The following RAB3C variants were observed in gnomAD, a reference collection of about 807,000 sequenced individuals.
RAB3C encodes ras-related protein Rab-3C.
A neutral mutation model predicts 26.4 loss-of-function variants in RAB3C; 17 were observed. The ratio of observed to expected loss-of-function variants is 0.64; its 90% CI spans 0.44 to 0.97. RAB3C has a LOEUF of 0.97. Among genes scored for constraint, RAB3C ranks in the 50% least tolerant of loss-of-function variants. The pLI is 0.00. For synonymous variants in RAB3C, 91 were observed against 95.9 expected (o/e 0.95, Z 0.30); for missense variants, 242 against 281.9 (o/e 0.86, Z 1.01).
intron 3 of RAB3C, among the ~76,000 whole-genome samples, chr5:58,804,227 G>C (rs553626848): frequency 3.4e-4 from 52 of 152,128 alleles, no homozygotes; most frequent in Non-Finnish European, 6.8e-4. Flanking sequence ...CTGGCAATAA[G>C]TAGTGACCAG....
chr5:58,740,412 C>T (rs1741251194), intron 3 of RAB3C, among the ~76,000 whole-genome samples: 1 of 152,238 alleles, frequency 6.6e-6, no homozygotes, highest in African/African-American at 2.4e-5. Context: ...TGGTCTCCAT[C>T]CTGTGTTGGG....
At chr5:58,606,278 C>T (rs546581917) in intron 1 of RAB3C, among the ~76,000 whole-genome samples, 16 of 152,334 alleles carry the variant, frequency 1.1e-4, no homozygotes, top group African/African-American at 2.4e-4. Flanking sequence ...CCCACACCAA[C>T]GCAGCCTTGC....
intron 4 of RAB3C, among the ~76,000 whole-genome samples, chr5:58,843,039 T>G (rs1743909518): frequency 6.6e-6 from 1 of 152,214 alleles, no homozygotes; most frequent in African/African-American, 2.4e-5. Flanking sequence ...TTGTCCTGGT[T>G]TACCAAGTGT....
intron 3 of RAB3C, among the ~76,000 whole-genome samples, chr5:58,791,383 C>T (rs1328824148): frequency 1.3e-5 from 2 of 152,118 alleles, no homozygotes; most frequent in African/African-American, 4.8e-5. Context: ...GAAATGTGGG[C>T]TCCGTTACAA....
chr5:58,776,910 AC>A (rs1742155428), intron 3 of RAB3C, among the ~76,000 whole-genome samples: 1 of 152,184 alleles, frequency 6.6e-6, no homozygotes, highest in Non-Finnish European at 1.5e-5. Context: ...ACTTCTGCCC[AC>A]ATTCTATTGA....
At chr5:58,624,166 T>G (rs567889357) in intron 2 of RAB3C, among the ~76,000 whole-genome samples, 1 of 152,246 alleles carries the variant, frequency 6.6e-6, no homozygotes, top group African/African-American at 2.4e-5. Context: ...ATTGGACATA[T>G]AATGGTAGAG....
chr5:58,846,222 T>C (rs1743997591), intron 4 of RAB3C, among the ~76,000 whole-genome samples: 1 of 152,148 alleles, frequency 6.6e-6, no homozygotes, highest in African/African-American at 2.4e-5. Flanking sequence ...CTTTTGGCTA[T>C]CGTGAATAAT....
At chr5:58,670,987 G>A (rs899274058) in intron 2 of RAB3C, among the ~76,000 whole-genome samples, 1 of 152,044 alleles carries the variant, frequency 6.6e-6, no homozygotes, top group African/African-American at 2.4e-5. Flanking sequence ...GGGGATAACT[G>A]GATTCTTGTT....
chr5:58,590,702 C>T (rs1019724067), intron 1 of RAB3C, among the ~76,000 whole-genome samples: 1 of 151,998 alleles, frequency 6.6e-6, no homozygotes, highest in Non-Finnish European at 1.5e-5. Flanking sequence ...ACCACCACAC[C>T]CAGCTAATTT....
chr5:58,747,558 T>G (rs1741426756), intron 3 of RAB3C, among the ~76,000 whole-genome samples: 1 of 152,136 alleles, frequency 6.6e-6, no homozygotes, highest in African/African-American at 2.4e-5. Flanking sequence ...AAACATGCTA[T>G]TATTTAGTCA....
intron 4 of RAB3C, among the ~76,000 whole-genome samples, chr5:58,837,984 T>C (rs938254809): frequency 2.0e-5 from 3 of 152,238 alleles, no homozygotes; most frequent in African/African-American, 7.2e-5. Context: ...GTGGTATACA[T>C]TTTGATGTCT....
At chr5:58,845,612 A>ATATATATATG in intron 4 of RAB3C, among the ~76,000 whole-genome samples, 2 of 81,744 alleles carry the variant, frequency 2.4e-5, no homozygotes, top group African/African-American at 1.2e-4. Flanking sequence ...ATATATATAT[A>ATATATATATG]TGTGTGTGTG....
At chr5:58,742,977 A>C (rs292948) in intron 3 of RAB3C, among the ~76,000 whole-genome samples, 84,502 of 151,862 alleles carry the variant, frequency 0.56, 23,907 homozygotes, top group East Asian at 0.63. Flanking sequence ...ATGTTACAGC[A>C]GAGTTCTTAA....
In RAB3C at chr5:58,796,013, C is replaced by T. The variant is rs115932956; in HGVS notation, c.372-29025C>T. ...CAAATTACTAGCTCCAGGAAAATTACTCCTCTCAGATCTGCATCTCCTCCA... is the reference window on the plus strand; with the variant it reads ...CAAATTACTAGCTCCAGGAAAATTATTCCTCTCAGATCTGCATCTCCTCCA... On this transcript the variant is annotated intron_variant, in intron 3 of 4. Coordinates refer to ENST00000282878, the MANE Select transcript of RAB3C (RefSeq NM_138453.4). Among the ~76,000 whole-genome samples the T allele has an allele frequency of 8.8e-3, 1,347 of 152,272 alleles. 18 individuals carry two copies. Among genetic ancestry groups the T allele is most frequent in the African/African-American group, 0.029 (1,201 of 41,550 alleles).
chr5:58,797,339 C>CAAA (rs1206716376), intron 3 of RAB3C, among the ~76,000 whole-genome samples: 264 of 12,648 alleles, frequency 0.021, 6 homozygotes, highest in Non-Finnish European at 0.042. Context: ...CCCTGGAAGA[C>CAAA]AAAAAAAAAA....
At chr5:58,747,207 T>C (rs1029149966) in intron 3 of RAB3C, among the ~76,000 whole-genome samples, 2 of 152,244 alleles carry the variant, frequency 1.3e-5, no homozygotes, top group Admixed American at 6.5e-5. Context: ...GGATCTTTAA[T>C]AGATCTTTTA....
At chr5:58,788,495 T>C (rs144577513) in intron 3 of RAB3C, 1 of 152,372 alleles carries the variant, frequency 6.6e-6, no homozygotes, top group East Asian at 1.9e-4. Context: ...GCCTGTCTGA[T>C]AGATTATATC....
intron 4 of RAB3C, among the ~76,000 whole-genome samples, chr5:58,833,324 T>TCACA (rs571940681): frequency 0.05 from 7,101 of 140,942 alleles, 268 homozygotes; most frequent in African/African-American, 0.1. Context: ...ACGGACCCCA[T>TCACA]CACACACACA....
At chr5:58,850,147 G>A (rs1254460261) in intron 4 of RAB3C, among the ~76,000 whole-genome samples, 1 of 152,210 alleles carries the variant, frequency 6.6e-6, no homozygotes, top group Admixed American at 6.5e-5. Flanking sequence ...CCAGTGGAAT[G>A]TGAATGCAAA....
Sources: gnomAD v4.1 joint callset for allele counts (sites outside exome capture counted in the v4.1 genomes callset) on GRCh38, gnomAD v4.1.1 for gene constraint, MANE v1.5 for transcripts, NCBI Gene and HGNC (gene_info 2026-07-23, HGNC 2026-07-21) for gene names.